The following EFR3B variants were observed in gnomAD, a reference collection of about 807,000 sequenced individuals.
EFR3B encodes protein EFR3 homolog B.
EFR3B carries 64 observed loss-of-function variants against 104.7 expected under a neutral mutation model. The ratio of observed to expected loss-of-function variants is 0.61; its 90% CI spans 0.50 to 0.75. EFR3B has a LOEUF of 0.75. Ranked by LOEUF, EFR3B falls within the 30% of genes least tolerant of loss-of-function variation. The probability of loss-of-function intolerance (pLI) is 0.00; values close to 1 mark genes in which losing one functional copy is unlikely to be tolerated. For synonymous variants in EFR3B, 385 were observed against 417.9 expected, an observed-to-expected ratio of 0.92 and a Z score of 0.96; for missense variants, 750 against 1,078.5, an observed-to-expected ratio of 0.70 and a Z score of 4.27.
Position 25,135,634 on chromosome 2 carries a change from C to A in EFR3B, c.1479C>A (p.Thr493=), listed in dbSNP as rs967581514. 1 of 1,552,190 alleles carries A rather than the reference C, an allele frequency of 6.4e-7. No individual in the cohort carries two copies. Among genetic ancestry groups the A allele is most frequent in the African/African-American group, 1.4e-5 (1 of 73,166 alleles). ...DRHGNRHKFS[T]ISTLSDISVL... ...ATGGCAACCGCCACAAGTTCTCTAC[C>A]ATCAGGTGAACTTGGGGTGTCTCCT... is the stretch of plus-strand genomic sequence containing the variant. Residue 493 remains threonine, a synonymous_variant, in exon 13 of 23, where the codon ACC becomes ACA. Transcript: ENST00000403714.
At chr2:25,058,882 A>G (rs531994678) in intron 1 of EFR3B, among the ~76,000 whole-genome samples, 1 of 151,988 alleles carries the variant, frequency 6.6e-6, no homozygotes, top group Admixed American at 6.6e-5. Context: ...GGAAAACAGT[A>G]TGGTGACTCC....
chr2:25,118,725 A>C (rs1309240981), intron 4 of EFR3B, among the ~76,000 whole-genome samples: 1 of 125,160 alleles, frequency 8.0e-6, no homozygotes, highest in Non-Finnish European at 1.6e-5. Flanking sequence ...CCCTGTCTCT[A>C]CAAAAAAAAA....
At chr2:25,110,665 G>T (rs2149195477) in intron 4 of EFR3B, among the ~76,000 whole-genome samples, 1 of 152,224 alleles carries the variant, frequency 6.6e-6, no homozygotes, top group East Asian at 1.9e-4. Flanking sequence ...TTGCAGTGTA[G>T]AAATAAATTA....
At chr2:25,078,299 C>T (rs183696820) in intron 1 of EFR3B, among the ~76,000 whole-genome samples, 3 of 152,304 alleles carry the variant, frequency 2.0e-5, no homozygotes, top group East Asian at 1.9e-4. Flanking sequence ...TCATTTGAAG[C>T]GGGTGTCCAT....
In EFR3B at chr2:25,107,214, T is replaced by G. The variant is rs560722583; in HGVS notation, c.363+3427T>G. ...TGATTCCAAAGTGTGGCACCCAGCC[T>G]CTGTGCAGATAGCCCCCAAGACCAG... On this transcript the variant is annotated intron_variant, in intron 4 of 22. Transcript: ENST00000403714. Among the ~76,000 whole-genome samples, 14 of 152,260 alleles carry G rather than the reference T, an allele frequency of 9.2e-5. No individual in the cohort carries two copies. In the South Asian group the frequency reaches 2.5e-3, roughly 27 times the overall value.
At chr2:25,092,195 A>T (rs1037695605) in intron 2 of EFR3B, among the ~76,000 whole-genome samples, 4 of 151,626 alleles carry the variant, frequency 2.6e-5, no homozygotes, top group African/African-American at 9.7e-5. Context: ...CAGCCTCCTG[A>T]GTAGCTGGGA....
intron 4 of EFR3B, among the ~76,000 whole-genome samples, chr2:25,106,668 C>A (rs1669572856): frequency 6.6e-6 from 1 of 152,196 alleles, no homozygotes; most frequent in African/African-American, 2.4e-5. Context: ...GTCTCGAACT[C>A]CTGATGTCAA....
At chr2:25,148,916 C>T (rs1244195414) in intron 19 of EFR3B, among the ~76,000 whole-genome samples, 3 of 81,526 alleles carry the variant, frequency 3.7e-5, no homozygotes, top group African/African-American at 1.0e-4. Context: ...AGCGAGACTC[C>T]GTCTCAAAAA....
intron 1 of EFR3B, among the ~76,000 whole-genome samples, chr2:25,043,759 A>AT (rs917446131): frequency 3.3e-5 from 5 of 149,600 alleles, no homozygotes; most frequent in African/African-American, 1.2e-4. Flanking sequence ...GTATGTGTGT[A>AT]TTTTTTTACT....
intron 15 of EFR3B, 71 bp from the exon 16 acceptor site, chr2:25,138,988 C>T (rs1277523540): frequency 3.3e-6 from 5 of 1,530,848 alleles, no homozygotes; most frequent in South Asian, 2.4e-5. Context: ...GGGAAGAGGT[C>T]GGGTGGAGCG....
intron 1 of EFR3B, among the ~76,000 whole-genome samples, chr2:25,077,033 A>G (rs1301310621): frequency 6.6e-6 from 1 of 152,182 alleles, no homozygotes; most frequent in African/African-American, 2.4e-5. Flanking sequence ...TTCAATCCTG[A>G]ATCTTTCCCA....
At chr2:25,135,894 A>T (rs1485062277) in intron 13 of EFR3B, among the ~76,000 whole-genome samples, 1 of 152,190 alleles carries the variant, frequency 6.6e-6, no homozygotes, top group Non-Finnish European at 1.5e-5. Context: ...TGAACTGAAG[A>T]TTTGGAAGAT....
chr2:25,051,369 C>G (rs954114140), intron 1 of EFR3B, among the ~76,000 whole-genome samples: 1 of 152,150 alleles, frequency 6.6e-6, no homozygotes, highest in African/African-American at 2.4e-5. Context: ...CCTGCCTCAG[C>G]CTCCCAAAGT....
chr2:25,056,623 G>C (rs553907995), intron 1 of EFR3B, among the ~76,000 whole-genome samples: 1 of 151,952 alleles, frequency 6.6e-6, no homozygotes, highest in Admixed American at 6.6e-5. Flanking sequence ...AAGCAGAAGA[G>C]GGAAAAACAG....
At chr2:25,045,164 G>T (rs1008511944) in intron 1 of EFR3B, among the ~76,000 whole-genome samples, 6 of 152,058 alleles carry the variant, frequency 3.9e-5, no homozygotes, top group African/African-American at 1.4e-4. Context: ...CTGCCAACTC[G>T]GGCACAGCCT....
chr2:25,077,524 C>T lies in EFR3B; in HGVS notation c.8-13801C>T, dbSNP rs560992235. On this transcript the variant is annotated intron_variant, in intron 1 of 22. Coordinates refer to ENST00000403714, the MANE Select transcript of EFR3B (RefSeq NM_014971.2). ...CAGGCTAGTCTTGAACTCCTGACCT[C>T]CTGATCCGCCTGCCTTGGCCTCCCA... Among the ~76,000 whole-genome samples, 19 of 152,324 alleles carry T rather than the reference C, an allele frequency of 1.2e-4. No homozygotes were observed. The South Asian group carries it at 3.9e-3, about 32-fold the overall frequency.
rs1478364075 is a variant in EFR3B at position 25,151,942 on chromosome 2, G to A, written c.2220G>A (p.Glu740=). 1.9e-6 allele frequency: 3 copies of A among 1,551,650 alleles called. No individual in the cohort carries two copies. In the African/African-American group the frequency reaches 4.1e-5, roughly 21 times the overall value. The change falls in exon 21 of 23, where the codon GAG becomes GAA. Residue 740 remains glutamate (E), a synonymous_variant. Transcript: ENST00000403714. ...ACAGCGTAGCAGTGGAGGAGCAGGA[G>A]CGTGAGCGGCGGCGGCAGGTGGTGG... The part of the protein sequence containing the change: ...IVDSVAVEEQ[E]RERRRQVVEK...
intron 6 of EFR3B, among the ~76,000 whole-genome samples, chr2:25,129,349 CGGGGCGTGGGGT>C (rs1351013230): frequency 0.029 from 464 of 15,986 alleles, 9 homozygotes; most frequent in African/African-American, 0.045. Flanking sequence ...GGGGCGGGGG[CGGGGCGTGGGGT>C]GGGGCGTGGG....
Position 25,159,069 on chromosome 2 carries a change from T to C in EFR3B, c.*4729T>C, listed in dbSNP as rs966220660. 3.9e-5 allele frequency: 6 copies of C among 152,320 alleles called. No homozygotes were observed. The South Asian group carries it at 1.2e-3, about 32-fold the overall frequency. The allele number at this position is 152,320 out of a possible 1,614,324, so 9.4% of individuals were successfully genotyped here. A position where few individuals can be genotyped will look rare whatever the true frequency, so the allele number is the denominator to read the frequency against. On this transcript the variant is annotated 3_prime_UTR_variant, in exon 23 of 23. Transcript: ENST00000403714. ...TCTTAGCAAAATCATTCTCTAGGAC[T>C]ATTAGTCGCGATCTCCCAGTGAGCC...
Sources: allele counts gnomAD v4.1 joint callset (sites outside exome capture counted in the v4.1 genomes callset), GRCh38; gene constraint gnomAD v4.1.1; transcripts MANE v1.5; gene names NCBI Gene and HGNC (gene_info 2026-07-23, HGNC 2026-07-21).